The following HPGD variants were observed in gnomAD, a reference collection of about 807,000 sequenced individuals.
The protein encoded by HPGD is 15-hydroxyprostaglandin dehydrogenase.
A neutral mutation model predicts 30.0 loss-of-function variants in HPGD; 29 were observed. The observed-to-expected ratio is 0.97, with a 90% CI of 0.72 to 1.32. The LOEUF is 1.32. Ranked by LOEUF, HPGD falls within the 40% of genes most tolerant of loss-of-function variation. HPGD has a pLI of 0.00. For missense variants in HPGD, 340 were observed against 322.1 expected (o/e 1.06, Z -0.43); for synonymous variants, 99 against 112.4 (o/e 0.88, Z 0.75).
chr4:174,515,790 AC>A (rs1257891003), intron 3 of HPGD, among the ~76,000 whole-genome samples: 1 of 151,822 alleles, frequency 6.6e-6, no homozygotes, highest in East Asian at 1.9e-4. Flanking sequence ...AAACCAAACA[AC>A]CCCATTAAAA....
At chr4:174,493,910 C>T (rs561605899) in intron 5 of HPGD, among the ~76,000 whole-genome samples, 1 of 152,202 alleles carries the variant, frequency 6.6e-6, no homozygotes, top group East Asian at 1.9e-4. Flanking sequence ...TTACTTGTAA[C>T]CCTGGAAATC....
intron 2 of HPGD, among the ~76,000 whole-genome samples, chr4:174,519,077 T>C (rs1560990172): frequency 6.6e-6 from 1 of 152,202 alleles, no homozygotes; most frequent in Non-Finnish European, 1.5e-5. Flanking sequence ...GGGGAAGACA[T>C]GGATTAATCA....
At chr4:174,521,856 G>A in intron 2 of HPGD, 88 bp downstream of exon 2, 2 of 1,516,534 alleles carry the variant, frequency 1.3e-6, no homozygotes, top group Non-Finnish European at 1.8e-6. Context: ...AGCGGAGGCG[G>A]CACCCAGGGC....
chr4:174,508,469 A>G (rs1413506718), intron 4 of HPGD, among the ~76,000 whole-genome samples: 1 of 152,144 alleles, frequency 6.6e-6, no homozygotes, highest in Non-Finnish European at 1.5e-5. Flanking sequence ...TATTTTTTCA[A>G]ATATTACTGC....
chr4:174,500,140 A>G (rs999405739), intron 4 of HPGD, among the ~76,000 whole-genome samples: 1 of 152,316 alleles, frequency 6.6e-6, no homozygotes, highest in Non-Finnish European at 1.5e-5. Flanking sequence ...TCTGTCTCAA[A>G]CAACAAACGA....
In HPGD at chr4:174,497,748, T is replaced by C. The variant is rs146961348; in HGVS notation, c.422-2124A>G. Among the ~76,000 whole-genome samples, 288 of 151,780 alleles carry C rather than the reference T, an allele frequency of 1.9e-3. 1 individual carries two copies. The highest frequency in any genetic ancestry group is 3.4e-3 in the Non-Finnish European group (233 of 67,914). ...ATGCGCCACGGTGCCCAGCTAATTTTTGTATTTTTAGTAGAGATGGGGTTT... is the reference window on the plus strand; with the variant it reads ...ATGCGCCACGGTGCCCAGCTAATTTCTGTATTTTTAGTAGAGATGGGGTTT... On this transcript the variant is annotated intron_variant, in intron 4 of 6. Coordinates refer to ENST00000296522, the MANE Select transcript of HPGD (RefSeq NM_000860.6).
chr4:174,504,653 CA>C (rs1170458446), intron 4 of HPGD, among the ~76,000 whole-genome samples: 6,718 of 130,400 alleles, frequency 0.052, 455 homozygotes, highest in African/African-American at 0.16. Flanking sequence ...ACTAAAAATA[CA>C]AAAAAAAAAA....
At chr4:174,518,112 T>G in intron 2 of HPGD, 35 bp from the exon 3 acceptor site, 1 of 1,002,504 alleles carries the variant, frequency 1.0e-6, no homozygotes, top group Non-Finnish European at 1.6e-6. Context: ...GATACATTCT[T>G]ATTTTCCATG....
intron 4 of HPGD, among the ~76,000 whole-genome samples, chr4:174,502,584 A>G (rs931788673): frequency 2.7e-5 from 4 of 149,906 alleles, no homozygotes; most frequent in Admixed American, 2.0e-4. Flanking sequence ...AGGCTGAGGC[A>G]GGAGAATGGC....
Position 174,522,466 on chromosome 4 carries a change from TGG to T in HPGD, c.-17_-16del. On this transcript the variant is annotated 5_prime_UTR_variant, in exon 1 of 7. Transcript: ENST00000296522. ...TTCACGTGCATGGTGCAGCCACTGC[TGG>T]GGCGGGCGGTGGGCGAGCTCCGCGT... The T allele has an allele frequency of 1.3e-6, 2 of 1,545,426 alleles. No homozygotes were observed. Among genetic ancestry groups the T allele is most frequent in the Non-Finnish European group, 1.8e-6 (2 of 1,142,086 alleles).
chr4:174,509,976 T>C (rs1032841887), intron 3 of HPGD, among the ~76,000 whole-genome samples: 5 of 152,196 alleles, frequency 3.3e-5, no homozygotes, highest in Non-Finnish European at 7.3e-5. Flanking sequence ...ACTTTTCCTT[T>C]TGGATTTAAG....
intron 3 of HPGD, among the ~76,000 whole-genome samples, chr4:174,517,512 G>C (rs1735852434): frequency 6.6e-6 from 1 of 152,166 alleles, no homozygotes; most frequent in Non-Finnish European, 1.5e-5. Context: ...TGCCCCTGTA[G>C]CATGAAAATA....
chr4:174,507,889 C>T (rs1398796223), intron 4 of HPGD: 2 of 479,840 alleles, frequency 4.2e-6, no homozygotes, highest in Admixed American at 6.6e-5. Context: ...TGATTAGCTG[C>T]CCTCTGAAAT....
intron 4 of HPGD, among the ~76,000 whole-genome samples, chr4:174,502,054 A>G (rs1252920696): frequency 6.6e-6 from 1 of 152,214 alleles, no homozygotes; most frequent in South Asian, 2.1e-4. Context: ...GAATCTAAGG[A>G]TGCTGATACT....
At chr4:174,522,523 C>G (rs1474990238), upstream of HPGD, 4 of 1,220,026 alleles carry the variant, frequency 3.3e-6, no homozygotes, top group Non-Finnish European at 4.4e-6. Flanking sequence ...TTATGCCCCC[C>G]TGCGCGCGCG....
chr4:174,520,056 CTGAG>C (rs1227322432), intron 2 of HPGD, among the ~76,000 whole-genome samples: 2 of 151,906 alleles, frequency 1.3e-5, no homozygotes, highest in Non-Finnish European at 2.9e-5. Context: ...TCCTTCCATT[CTGAG>C]TATGTTCTAA....
intron 2 of HPGD, among the ~76,000 whole-genome samples, chr4:174,520,401 T>C (rs1736043053): frequency 6.6e-6 from 1 of 152,266 alleles, no homozygotes; most frequent in African/African-American, 2.4e-5. Context: ...CATATTTTTA[T>C]AATTTCCACA....
At chr4:174,517,161 G>A (rs1040434866) in intron 3 of HPGD, among the ~76,000 whole-genome samples, 6 of 152,108 alleles carry the variant, frequency 3.9e-5, no homozygotes, top group African/African-American at 1.4e-4. Context: ...AATATCTTAT[G>A]TCAAGGGTAT....
intron 2 of HPGD, among the ~76,000 whole-genome samples, chr4:174,521,597 C>A (rs1317524174): frequency 6.6e-6 from 1 of 152,164 alleles, no homozygotes; most frequent in African/African-American, 2.4e-5. Flanking sequence ...TCAACAGTAC[C>A]TTACTTAACC....
Sources: allele counts gnomAD v4.1 joint callset (sites outside exome capture counted in the v4.1 genomes callset), GRCh38; gene constraint gnomAD v4.1.1; transcripts MANE v1.5; gene names NCBI Gene and HGNC (gene_info 2026-07-23, HGNC 2026-07-21).